Variants in DYM observed in about 807,000 individuals in gnomAD.
The protein encoded by DYM is dymeclin.
A neutral mutation model predicts 93.1 loss-of-function variants in DYM; 78 were observed. The ratio of observed to expected loss-of-function variants is 0.84; its 90% CI spans 0.70 to 1.01. The LOEUF is 1.01. Among genes scored for constraint, DYM ranks in the 50% least tolerant of loss-of-function variants. DYM has a pLI of 0.00. For missense variants in DYM, 789 were observed against 845.0 expected, an observed-to-expected ratio of 0.93 and a Z score of 0.82; for synonymous variants, 321 against 319.7, an observed-to-expected ratio of 1.00 and a Z score of -0.04.
In DYM at chr18:49,460,613, G is replaced by T. The variant is rs1471757426; in HGVS notation, c.-269C>A. The stretch of plus-strand genomic sequence containing the variant: ...CTCGGCTCCAGCCCGGGCCGCGTCG[G>T]TGCGGAGGCCAGGAGGCGGCGAGAG... On this transcript the variant is annotated 5_prime_UTR_variant, in exon 1 of 18. Coordinates refer to ENST00000675505, the MANE Select transcript of DYM (RefSeq NM_001353214.3). 2 of 152,266 alleles carry T rather than the reference G, an allele frequency of 1.3e-5. No homozygotes were observed. Among genetic ancestry groups the T allele is most frequent in the African/African-American group, 4.8e-5 (2 of 41,440 alleles). The allele number at this position is 152,266 out of a possible 1,614,324, so 9.4% of individuals were successfully genotyped here.
chr18:49,452,802 G>A lies in DYM; in HGVS notation c.-54+7596C>T, dbSNP rs1348698873. 1.5e-5 allele frequency among the ~76,000 whole-genome samples: 2 copies of A among 135,274 alleles called. 1 individual carries two copies. Among genetic ancestry groups the A allele is most frequent in the Non-Finnish European group, 3.2e-5 (2 of 62,202 alleles). The allele number at this position is 135,274 out of a possible 152,430, so 88.7% of individuals were successfully genotyped here. A position where few individuals can be genotyped will look rare whatever the true frequency, so the allele number is the denominator to read the frequency against. On this transcript the variant is annotated intron_variant, in intron 1 of 17. Transcript: ENST00000675505. The stretch of plus-strand genomic sequence containing the variant: ...GCGGCCCTGGTGCAGGATCCACCAG[G>A]TGAAGCCAGCTGGGCTCCTGAGTCT...
chr18:49,135,350 C>T (rs558570378), intron 15 of DYM, among the ~76,000 whole-genome samples: 1 of 152,304 alleles, frequency 6.6e-6, no homozygotes, highest in East Asian at 1.9e-4. Context: ...AGAGGAAACA[C>T]TGTGGCACAA....
At chr18:49,387,555 G>A in intron 3 of DYM, among the ~76,000 whole-genome samples, 1 of 152,086 alleles carries the variant, frequency 6.6e-6, no homozygotes, top group East Asian at 1.9e-4. Context: ...ACAAGAGTGA[G>A]CCACTGTGCC....
At chr18:49,198,992 T>C (rs898258495) in intron 14 of DYM, among the ~76,000 whole-genome samples, 5 of 152,156 alleles carry the variant, frequency 3.3e-5, no homozygotes, top group Non-Finnish European at 5.9e-5. Flanking sequence ...TGTCCAACAA[T>C]GATAGACTGG....
chr18:49,322,021 A>G (rs1442732906), intron 8 of DYM, among the ~76,000 whole-genome samples: 1 of 152,170 alleles, frequency 6.6e-6, no homozygotes, highest in East Asian at 1.9e-4. Context: ...AGTAAAATAC[A>G]TTATAATTAC....
intron 16 of DYM, chr18:49,116,237 C>T (rs906323333): frequency 3.3e-5 from 5 of 152,176 alleles, no homozygotes; most frequent in Non-Finnish European, 5.9e-5. Flanking sequence ...ATCATTTTAT[C>T]ATAGCAGTGT....
intron 13 of DYM, among the ~76,000 whole-genome samples, chr18:49,229,644 AG>A (rs1568060494): frequency 6.6e-6 from 1 of 152,184 alleles, no homozygotes; most frequent in African/African-American, 2.4e-5. Context: ...TGGAGCAACT[AG>A]AACTGTCATA....
At chr18:49,210,974 C>T (rs534042017) in intron 13 of DYM, among the ~76,000 whole-genome samples, 2 of 151,998 alleles carry the variant, frequency 1.3e-5, no homozygotes, top group Non-Finnish European at 2.9e-5. Flanking sequence ...TTTTTCTTCA[C>T]GGTATTAGGA....
chr18:49,424,624 G>T (rs775119546), intron 2 of DYM, among the ~76,000 whole-genome samples: 47 of 152,142 alleles, frequency 3.1e-4, no homozygotes, highest in Non-Finnish European at 6.6e-4. Flanking sequence ...CAGATGATGT[G>T]ATTGTATATT....
rs34916711 is a variant in DYM at position 49,380,998 on chromosome 18, CTTT to C, written c.194-1243_194-1241del. ...GGGAATTTCGCATATATTTGAACTT[CTTT>C]TTTTTTTAACATAGAAACAGGGTCT... On this transcript the variant is annotated intron_variant, in intron 3 of 17. Transcript: ENST00000675505. Among the ~76,000 whole-genome samples the C allele has an allele frequency of 4.2e-4, 62 of 148,666 alleles. No individual in the cohort carries two copies. The East Asian group carries it at 0.012, about 29-fold the overall frequency.
At chr18:49,352,423 A>G (rs1456197912) in intron 6 of DYM, among the ~76,000 whole-genome samples, 2 of 152,250 alleles carry the variant, frequency 1.3e-5, no homozygotes, top group African/African-American at 4.8e-5. Context: ...AGGAAAAAAC[A>G]CAAAAAGCTA....
chr18:49,435,312 T>C (rs943833342), intron 1 of DYM, among the ~76,000 whole-genome samples: 1 of 151,100 alleles, frequency 6.6e-6, no homozygotes, highest in South Asian at 2.1e-4. Context: ...TTTGTTATTA[T>C]AAGGTATTGT....
chr18:49,311,481 T>C (rs2061582973), intron 8 of DYM, among the ~76,000 whole-genome samples: 1 of 152,148 alleles, frequency 6.6e-6, no homozygotes, highest in Non-Finnish European at 1.5e-5. Flanking sequence ...CCAACCTAAA[T>C]GTCCATCAAT....
intron 7 of DYM, among the ~76,000 whole-genome samples, chr18:49,333,239 A>G (rs2063436547): frequency 6.6e-6 from 1 of 152,168 alleles, no homozygotes; most frequent in African/African-American, 2.4e-5. Context: ...GCATAGCCCC[A>G]CAGTCTAACA....
chr18:49,377,397 T>TA (rs1568341742), intron 5 of DYM, among the ~76,000 whole-genome samples: 1 of 151,898 alleles, frequency 6.6e-6, no homozygotes, highest in Admixed American at 6.6e-5. Flanking sequence ...CCATCTCTAC[T>TA]AAAAATACAA....
At chr18:49,251,133 G>C (rs577417907) in intron 13 of DYM, among the ~76,000 whole-genome samples, 105 of 152,344 alleles carry the variant, frequency 6.9e-4, no homozygotes, top group Non-Finnish European at 1.4e-3. Context: ...TCACAGTGAA[G>C]AGCACAGGTC....
chr18:49,235,593 A>C (rs1233911577), intron 13 of DYM, among the ~76,000 whole-genome samples: 2 of 152,200 alleles, frequency 1.3e-5, no homozygotes, highest in African/African-American at 4.8e-5. Context: ...CAATTTTAAG[A>C]AAGTCCTTTT....
intron 14 of DYM, among the ~76,000 whole-genome samples, chr18:49,204,008 G>A (rs2092333431): frequency 6.6e-6 from 1 of 151,808 alleles, no homozygotes; most frequent in South Asian, 2.1e-4. Context: ...TTTGGGCAGG[G>A]GAGTCTCTCT....
chr18:49,068,183 C>T (rs2076619420), intron 17 of DYM, among the ~76,000 whole-genome samples: 1 of 152,100 alleles, frequency 6.6e-6, no homozygotes, highest in Non-Finnish European at 1.5e-5. Context: ...CAGAGAAAAG[C>T]CATGTGTAGT....
Sources: gnomAD v4.1 joint callset for allele counts (sites outside exome capture counted in the v4.1 genomes callset) on GRCh38, gnomAD v4.1.1 for gene constraint, MANE v1.5 for transcripts, NCBI Gene and HGNC (gene_info 2026-07-23, HGNC 2026-07-21) for gene names.